PTPRT: variants seen among roughly 807,000 people sequenced by gnomAD.
PTPRT encodes the protein protein tyrosine phosphatase receptor type T.
PTPRT carries 56 observed loss-of-function variants against 176.8 expected under a neutral mutation model. That is an observed-to-expected ratio of 0.32 (90% CI 0.26 to 0.40). The LOEUF (loss-of-function observed/expected upper bound fraction) is 0.40, where lower values mean the gene tolerates loss of function less well. Ranked by LOEUF, PTPRT falls within the 10% of genes least tolerant of loss-of-function variation. The pLI, the probability that PTPRT is intolerant of heterozygous loss-of-function variation, is 1.00. For synonymous variants in PTPRT, 783 were observed against 739.0 expected, an observed-to-expected ratio of 1.06 and a Z score of -0.96; for missense variants, 1,540 against 1,908.2, an observed-to-expected ratio of 0.81 and a Z score of 3.60.
intron 1 of PTPRT, among the ~76,000 whole-genome samples, chr20:42,956,206 G>A (rs1052471415): frequency 6.6e-6 from 1 of 152,134 alleles, no homozygotes; most frequent in Non-Finnish European, 1.5e-5. Flanking sequence ...CAGTTTGGAT[G>A]TTATCCCCTC....
At chr20:42,239,214 C>T (rs1388423201) in intron 14 of PTPRT, among the ~76,000 whole-genome samples, 3 of 152,088 alleles carry the variant, frequency 2.0e-5, no homozygotes, top group African/African-American at 7.2e-5. Context: ...TCAGCACTTA[C>T]TGTGTGCCAG....
intron 13 of PTPRT, among the ~76,000 whole-genome samples, chr20:42,269,915 T>C (rs2056901694): frequency 6.6e-6 from 1 of 152,312 alleles, no homozygotes; most frequent in East Asian, 1.9e-4. Context: ...TCAACTTTTT[T>C]CCCAAACTTA....
chr20:42,546,759 G>C (rs1308274377), intron 7 of PTPRT, among the ~76,000 whole-genome samples: 1 of 152,034 alleles, frequency 6.6e-6, no homozygotes, highest in Non-Finnish European at 1.5e-5. Flanking sequence ...TTGTTTCGGG[G>C]AATATGGGGG....
chr20:42,128,435 A>C (rs1436938474), intron 19 of PTPRT, among the ~76,000 whole-genome samples: 2 of 152,112 alleles, frequency 1.3e-5, no homozygotes, highest in African/African-American at 2.4e-5. Flanking sequence ...TAGGCACTTT[A>C]AAATTTTTGT....
At chr20:42,945,449 G>A (rs939328731) in intron 1 of PTPRT, among the ~76,000 whole-genome samples, 30 of 152,148 alleles carry the variant, frequency 2.0e-4, no homozygotes, top group African/African-American at 6.0e-4. Flanking sequence ...TGTTTCTCCC[G>A]GGACTAATCT....
chr20:42,201,807 T>C (rs1047185117), intron 15 of PTPRT, among the ~76,000 whole-genome samples: 11 of 149,784 alleles, frequency 7.3e-5, no homozygotes, highest in Non-Finnish European at 1.5e-4. Context: ...CAGTTCTCAC[T>C]AGCTGAACCC....
At chr20:42,941,339 C>T (rs754205575) in intron 1 of PTPRT, among the ~76,000 whole-genome samples, 3 of 152,156 alleles carry the variant, frequency 2.0e-5, no homozygotes, top group African/African-American at 4.8e-5. Flanking sequence ...AGGCAAAGGA[C>T]TTTGCATAGT....
At chr20:42,049,540 C>T in the PTPRT span, among the ~76,000 whole-genome samples, 178 of 152,302 alleles carry the variant, frequency 1.2e-3, 1 homozygote, top group South Asian at 1.9e-3. Context: ...TTGAAAGAAA[C>T]CAACCTCCAG....
intron 6 of PTPRT, among the ~76,000 whole-genome samples, chr20:42,725,134 T>C (rs1000094387): frequency 2.0e-5 from 3 of 151,502 alleles, no homozygotes; most frequent in Non-Finnish European, 4.4e-5. Context: ...TTCAAGCAAT[T>C]CTCCTGCCTC....
chr20:43,009,704 G>A (rs1411720087), intron 1 of PTPRT, among the ~76,000 whole-genome samples: 4 of 152,126 alleles, frequency 2.6e-5, no homozygotes, highest in East Asian at 1.9e-4. Flanking sequence ...TAGGAAGATC[G>A]TTGCACCATC....
chr20:42,799,049 G>A (rs2077492609), intron 2 of PTPRT, among the ~76,000 whole-genome samples: 1 of 151,960 alleles, frequency 6.6e-6, no homozygotes, highest in Non-Finnish European at 1.5e-5. Flanking sequence ...GAGGAAGAGG[G>A]AGAGACACAA....
intron 9 of PTPRT, among the ~76,000 whole-genome samples, chr20:42,434,939 T>C (rs917701298): frequency 1.3e-5 from 2 of 151,714 alleles, no homozygotes; most frequent in African/African-American, 2.4e-5. Flanking sequence ...CACTCTAGCC[T>C]GGGTGACAGA....
chr20:42,510,104 C>T (rs1463330992), intron 7 of PTPRT, among the ~76,000 whole-genome samples: 2 of 152,136 alleles, frequency 1.3e-5, no homozygotes, highest in Non-Finnish European at 2.9e-5. Flanking sequence ...AAGAGGGAGA[C>T]TGTCTAGTCT....
chr20:42,718,200 A>G (rs2076254050), intron 6 of PTPRT, among the ~76,000 whole-genome samples: 1 of 152,244 alleles, frequency 6.6e-6, no homozygotes, highest in African/African-American at 2.4e-5. Flanking sequence ...AAGCAGTAGA[A>G]TGGATACATT....
At chr20:42,944,790 G>A (rs1022187139) in intron 1 of PTPRT, among the ~76,000 whole-genome samples, 2 of 152,120 alleles carry the variant, frequency 1.3e-5, no homozygotes, top group African/African-American at 2.4e-5. Context: ...GCACTTGGTT[G>A]GTTTTAGTCC....
At chr20:42,373,042 A>G (rs1227280608) in intron 9 of PTPRT, among the ~76,000 whole-genome samples, 1 of 152,270 alleles carries the variant, frequency 6.6e-6, no homozygotes, top group Non-Finnish European at 1.5e-5. Context: ...AATGACAGGG[A>G]TCTCAGTGAA....
chr20:42,219,608 C>T (rs2055839544), intron 15 of PTPRT, among the ~76,000 whole-genome samples: 1 of 152,190 alleles, frequency 6.6e-6, no homozygotes, highest in Non-Finnish European at 1.5e-5. Context: ...ATAGCTAATG[C>T]TTACTGAGTG....
At position 43,189,746 on chromosome 20, in the gene PTPRT, G is replaced by T; in HGVS notation, c.-13C>A. On this transcript the variant is annotated 5_prime_UTR_variant, in exon 1 of 31. Coordinates refer to ENST00000373187, the MANE Select transcript of PTPRT (RefSeq NM_007050.6). The surrounding 1 kb of genome is among the most constrained non-coding windows in gnomAD (Gnocchi z 5.0). ...CGAGGCTCGCCATCCGGGCGGCGGC[G>T]GGCAGCTCAGCCCCTTCCCGCGGGG... 8.2e-7 allele frequency: 1 copy of T among 1,220,340 alleles called. No individual in the cohort carries two copies. The highest frequency in any genetic ancestry group is 1.0e-6 in the Non-Finnish European group (1 of 981,122). The allele number at this position is 1,220,340 out of a possible 1,614,324, so 75.6% of individuals were successfully genotyped here.
intron 15 of PTPRT, among the ~76,000 whole-genome samples, chr20:42,209,364 T>G (rs1275137167): frequency 1.3e-5 from 2 of 151,960 alleles, no homozygotes; most frequent in Non-Finnish European, 2.9e-5. Flanking sequence ...AGGAGCTGGT[T>G]TTTTGAAAGG....
Sources: allele counts gnomAD v4.1 joint callset (sites outside exome capture counted in the v4.1 genomes callset), GRCh38; gene constraint gnomAD v4.1.1; non-coding constraint Gnocchi (gnomAD v3.1); transcripts MANE v1.5; gene names NCBI Gene and HGNC (gene_info 2026-07-23, HGNC 2026-07-21).